The following TOP6BL variants were observed in gnomAD, a reference collection of about 807,000 sequenced individuals.
TOP6BL encodes type 2 DNA topoisomerase 6 subunit B-like.
chr11:66,839,013 G>A, the TOP6BL span: 3 of 408,048 alleles, frequency 7.4e-6, no homozygotes, highest in Admixed American at 2.6e-5. Context: ...TTACAGGCGT[G>A]AGCCACCGCG....
chr11:66,824,759 C>T, the TOP6BL span, among the ~76,000 whole-genome samples: 140 of 152,048 alleles, frequency 9.2e-4, no homozygotes, highest in African/African-American at 3.0e-3. Flanking sequence ...ATGCATGTCC[C>T]TACAAAGGAC....
chr11:66,758,029 GA>G, the TOP6BL span: 19 of 575,490 alleles, frequency 3.3e-5, no homozygotes, highest in African/African-American at 3.5e-4. Context: ...CTGTCTGAAA[GA>G]TGCACATTTT....
At chr11:66,828,690 C>CT in the TOP6BL span, 4 of 183,768 alleles carry the variant, frequency 2.2e-5, no homozygotes, top group African/African-American at 9.4e-5. Flanking sequence ...TTTAATTTCT[C>CT]TTATTTATTC....
chr11:66,843,499 C>CGCGGCCGGA, the TOP6BL span: 1 of 1,485,658 alleles, frequency 6.7e-7, no homozygotes, highest in Non-Finnish European at 8.9e-7. Flanking sequence ...CTGTCGGTGT[C>CGCGGCCGGA]GCGGCCGGAG....
chr11:66,779,657 A>T, the TOP6BL span, among the ~76,000 whole-genome samples: 1 of 152,214 alleles, frequency 6.6e-6, no homozygotes, highest in Non-Finnish European at 1.5e-5. Flanking sequence ...CCATCCCATT[A>T]CTGGGTATAT....
chr11:66,810,836 A>T, the TOP6BL span, among the ~76,000 whole-genome samples: 1 of 151,714 alleles, frequency 6.6e-6, no homozygotes, highest in Non-Finnish European at 1.5e-5. Context: ...TTTTCCTTTC[A>T]CAAGTACCTT....
At chr11:66,800,305 A>G in the TOP6BL span, among the ~76,000 whole-genome samples, 1 of 152,174 alleles carries the variant, frequency 6.6e-6, no homozygotes, top group Non-Finnish European at 1.5e-5. Context: ...ATAAGTCTTT[A>G]GAATCTTATT....
chr11:66,778,097 T>C, the TOP6BL span, among the ~76,000 whole-genome samples: 5 of 151,422 alleles, frequency 3.3e-5, no homozygotes, highest in African/African-American at 9.7e-5. Flanking sequence ...TTCTTTCTTT[T>C]TTTTTTTTTT....
chr11:66,748,348 TTA>T, the TOP6BL span: 1 of 1,480,218 alleles, frequency 6.8e-7, no homozygotes, highest in Non-Finnish European at 9.2e-7. Flanking sequence ...CTAAAGAAGA[TTA>T]TGTTTTCTTT....
the TOP6BL span, among the ~76,000 whole-genome samples, chr11:66,752,945 A>T: frequency 6.6e-6 from 1 of 152,014 alleles, no homozygotes; most frequent in Non-Finnish European, 1.5e-5. Flanking sequence ...CCTGGGCGAC[A>T]CGGTGAAACC....
the TOP6BL span, among the ~76,000 whole-genome samples, chr11:66,830,780 C>A: frequency 5.4e-3 from 822 of 152,240 alleles, 8 homozygotes; most frequent in Non-Finnish European, 6.2e-3. Flanking sequence ...ATGAAATGGA[C>A]AAATTCCTTG....
At chr11:66,783,925 A>G in the TOP6BL span, among the ~76,000 whole-genome samples, 2 of 152,156 alleles carry the variant, frequency 1.3e-5, no homozygotes, top group Non-Finnish European at 2.9e-5. Flanking sequence ...TCCTGGCCTG[A>G]GGTAATCCTC....
chr11:66,793,464 TAGAC>T, the TOP6BL span, among the ~76,000 whole-genome samples: 2 of 147,018 alleles, frequency 1.4e-5, no homozygotes, highest in Non-Finnish European at 3.0e-5. Flanking sequence ...TTTTTTTTTT[TAGAC>T]AGAGTCTTTC....
the TOP6BL span, among the ~76,000 whole-genome samples, chr11:66,780,973 A>G: frequency 2.0e-5 from 3 of 152,108 alleles, no homozygotes; most frequent in Non-Finnish European, 1.5e-5. Context: ...GCTTCTTTCA[A>G]TATTTTATCT....
At chr11:66,784,648 T>C in the TOP6BL span, among the ~76,000 whole-genome samples, 1 of 152,234 alleles carries the variant, frequency 6.6e-6, no homozygotes, top group Admixed American at 6.5e-5. Flanking sequence ...ATATGTAGCA[T>C]TTAGTGTGTG....
the TOP6BL span, among the ~76,000 whole-genome samples, chr11:66,747,628 T>A: frequency 5.9e-5 from 9 of 152,132 alleles, no homozygotes; most frequent in Non-Finnish European, 1.3e-4. Context: ...CAAGGTCACA[T>A]GCTAGAATTT....
the TOP6BL span, chr11:66,815,741 A>C: frequency 2.5e-5 from 6 of 244,680 alleles, no homozygotes; most frequent in South Asian, 2.1e-4. Flanking sequence ...ACCTCTTACC[A>C]GCCATACCTG....
At chr11:66,820,804 C>T in the TOP6BL span, among the ~76,000 whole-genome samples, 2 of 152,184 alleles carry the variant, frequency 1.3e-5, no homozygotes, top group Admixed American at 1.3e-4. Flanking sequence ...ATGAATTAAA[C>T]AGGATCCCTT....
chr11:66,842,998 G>C, the TOP6BL span: 2 of 1,550,986 alleles, frequency 1.3e-6, no homozygotes, highest in Non-Finnish European at 1.7e-6. Context: ...CACTCCTAGA[G>C]GAAGGGAGCA....
Sources: gnomAD v4.1 joint callset for allele counts (sites outside exome capture counted in the v4.1 genomes callset) on GRCh38, gnomAD v4.1.1 for gene constraint, MANE v1.5 for transcripts, NCBI Gene and HGNC (gene_info 2026-07-23, HGNC 2026-07-21) for gene names.